Variants in PRKN observed in about 807,000 individuals in gnomAD.
PRKN encodes parkin RBR E3 ubiquitin protein ligase, also known as E3 ubiquitin-protein ligase parkin.
Under a neutral mutation model 59.5 loss-of-function variants are expected in PRKN, and 56 were observed. The ratio of observed to expected loss-of-function variants is 0.94; its 90% CI spans 0.76 to 1.18. PRKN has a LOEUF of 1.18. PRKN is among the 50% of genes most tolerant of loss of function. PRKN has a pLI of 0.00. For missense variants in PRKN, 657 were observed against 596.4 expected (o/e 1.10, Z -1.06); for synonymous variants, 250 against 222.1 (o/e 1.13, Z -1.12).
rs1242128610 is a variant in PRKN at position 161,548,858 on chromosome 6, C to T, written c.1079G>A (p.Cys360Tyr). The T allele has an allele frequency of 1.9e-6, 3 of 1,614,134 alleles. No homozygotes were observed. In the South Asian group the frequency reaches 3.3e-5, roughly 18 times the overall value. Reference protein sequence around the residue: ...VTCEGGNGLGCGFAFCRECKE... With the variant: ...VTCEGGNGLGYGFAFCRECKE... Reference sequence around the variant, plus strand: ...AGGGGTGTGGGCAGTACTCACCCCACAGCCCAGGCCATTGCCCCCTTCGCA... The same window carrying T: ...AGGGGTGTGGGCAGTACTCACCCCATAGCCCAGGCCATTGCCCCCTTCGCA... Residue 360 changes from cysteine to tyrosine, a missense_variant, in exon 9 of 12, where the codon TGT becomes TAT. Transcript: ENST00000366898. This position sits in a 1 kb window ranked among gnomAD's most constrained non-coding sequence, Gnocchi z 4.2.
rs2115418017 is a variant in PRKN at position 161,545,056 on chromosome 6, G to T, written c.1083+3798C>A. ...AGATTAGAATCCTCTGGAGCCCAGA[G>T]CTCAACACATGGGTGTCTAGCTCCG... is the stretch of plus-strand genomic sequence containing the variant. On this transcript the variant is annotated intron_variant, in intron 9 of 11. Coordinates refer to ENST00000366898, the MANE Select transcript of PRKN (RefSeq NM_004562.3). This position sits in a 1 kb window ranked among gnomAD's most constrained non-coding sequence, Gnocchi z 4.1. 2.9e-6 allele frequency: 2 copies of T among 701,258 alleles called. No homozygotes were observed. Among genetic ancestry groups the T allele is most frequent in the Admixed American group, 4.9e-5 (1 of 20,500 alleles). 43.4% of individuals were successfully genotyped at this position (701,258 alleles called of 1,614,324 possible).
chr6:161,415,417 C>A (rs955191552), intron 9 of PRKN, among the ~76,000 whole-genome samples: 37 of 152,254 alleles, frequency 2.4e-4, no homozygotes, highest in African/African-American at 8.2e-4. Context: ...CCTACATGAA[C>A]TGAGCAATGG....
chr6:161,973,390 G>C lies in PRKN; in HGVS notation c.646C>G (p.Pro216Ala), dbSNP rs1168709615. The C allele has an allele frequency of 1.2e-6, 2 of 1,611,838 alleles. No individual in the cohort carries two copies. The highest frequency in any genetic ancestry group is 1.7e-6 in the Non-Finnish European group (2 of 1,178,158). Residue 216 changes from proline (P) to alanine (A), a missense_variant, in exon 6 of 12, where the codon CCC (proline) becomes GCC (alanine). Coordinates refer to ENST00000366898, the MANE Select transcript of PRKN (RefSeq NM_004562.3). ...AEFFFKCGAH[P>A]TSDKETSVAL... Reference sequence around the variant, plus strand: ...ACTGATGTTTCCTTGTCAGAGGTGGGGTGTGCTCCACATTTAAAGAAAAAT... The same window carrying C: ...ACTGATGTTTCCTTGTCAGAGGTGGCGTGTGCTCCACATTTAAAGAAAAAT...
rs988084050 is a variant in PRKN at position 161,371,661 on chromosome 6, C to T, written c.1168-11456G>A. On this transcript the variant is annotated intron_variant, in intron 10 of 11. Coordinates refer to ENST00000366898, the MANE Select transcript of PRKN (RefSeq NM_004562.3). This position sits in a 1 kb window ranked among gnomAD's most constrained non-coding sequence, Gnocchi z 5.5. ...TTTATTTATTTATCTATTTTTGAGA[C>T]GGAGTTTTGCTCTGTCACCTAGGCT... Among the ~76,000 whole-genome samples, 4 of 151,924 alleles carry T rather than the reference C, an allele frequency of 2.6e-5. No homozygotes were observed. The highest frequency in any genetic ancestry group is 1.9e-4 in the East Asian group (1 of 5,144).
chr6:161,934,865 T>C (rs1779295732), intron 6 of PRKN, among the ~76,000 whole-genome samples: 2 of 152,152 alleles, frequency 1.3e-5, no homozygotes, highest in Non-Finnish European at 2.9e-5. Context: ...AGGATGTTTT[T>C]TTCTCCCTAA....
intron 4 of PRKN, among the ~76,000 whole-genome samples, chr6:162,185,214 G>C (rs1482702797): frequency 1.3e-5 from 2 of 151,996 alleles, no homozygotes; most frequent in Non-Finnish European, 2.9e-5. Flanking sequence ...AATTTTCCAA[G>C]TTCAATACAA....
intron 6 of PRKN, among the ~76,000 whole-genome samples, chr6:161,851,596 G>A (rs980987490): frequency 5.9e-5 from 9 of 151,482 alleles, no homozygotes; most frequent in Non-Finnish European, 1.3e-4. Flanking sequence ...ATTCTCGTAC[G>A]TGCCTCAGCC....
chr6:162,579,611 A>G (rs1460984181), intron 1 of PRKN, among the ~76,000 whole-genome samples: 2 of 150,690 alleles, frequency 1.3e-5, no homozygotes, highest in Admixed American at 1.3e-4. Flanking sequence ...ATTCACACAC[A>G]CAGATACACA....
rs1322852977 is a variant in PRKN, at chr6:161,356,621, C to T, written c.1285+3467G>A. ...CGCTGGATCAGAGCACGGGGAAGGC[C>T]GTGGTGACCGGGGATTGAATGCAGG... On this transcript the variant is annotated intron_variant, in intron 11 of 11. Transcript: ENST00000366898. The surrounding 1 kb of genome is among the most constrained non-coding windows in gnomAD (Gnocchi z 7.8). Among the ~76,000 whole-genome samples the T allele has an allele frequency of 2.0e-5, 3 of 152,064 alleles. No homozygotes were observed. The highest frequency in any genetic ancestry group is 2.1e-4 in the South Asian group (1 of 4,828).
chr6:162,363,825 C>G (rs6455811), intron 2 of PRKN, among the ~76,000 whole-genome samples: 50 of 152,268 alleles, frequency 3.3e-4, no homozygotes, highest in African/African-American at 1.2e-3. Flanking sequence ...AGGTCCTGCC[C>G]GCTTTTAACA....
intron 9 of PRKN, among the ~76,000 whole-genome samples, chr6:161,535,838 T>C (rs1289242214): frequency 6.6e-6 from 1 of 151,896 alleles, no homozygotes; most frequent in African/African-American, 2.4e-5. Context: ...GAGAGAGAAA[T>C]AAACTCCCAT....
At chr6:161,659,252 T>C (rs1388426006) in intron 7 of PRKN, among the ~76,000 whole-genome samples, 1 of 152,226 alleles carries the variant, frequency 6.6e-6, no homozygotes, top group Non-Finnish European at 1.5e-5. Context: ...ACATAGAGCA[T>C]ATACGCTGTG....
chr6:162,332,793 C>A (rs186888322), intron 2 of PRKN, among the ~76,000 whole-genome samples: 1 of 152,244 alleles, frequency 6.6e-6, no homozygotes, highest in East Asian at 1.9e-4. Context: ...CCAACCCACA[C>A]CTGCTTGTCA....
chr6:161,753,939 T>C (rs897206893), intron 7 of PRKN, among the ~76,000 whole-genome samples: 16 of 152,064 alleles, frequency 1.1e-4, no homozygotes, highest in Non-Finnish European at 4.4e-5. Context: ...GGGTAAGCTA[T>C]GAAGAGCTGC....
At chr6:161,850,353 G>A (rs1176210582) in intron 6 of PRKN, among the ~76,000 whole-genome samples, 1 of 152,064 alleles carries the variant, frequency 6.6e-6, no homozygotes, top group Non-Finnish European at 1.5e-5. Context: ...GCTGAGGTGC[G>A]TGGATCACGA....
chr6:162,401,939 ATTATT>A (rs1787813337), intron 2 of PRKN, among the ~76,000 whole-genome samples: 1 of 152,100 alleles, frequency 6.6e-6, no homozygotes, highest in Non-Finnish European at 1.5e-5. Context: ...ACTTCTAGAG[ATTATT>A]CTGAGTATTT....
intron 7 of PRKN, among the ~76,000 whole-genome samples, chr6:161,716,530 C>T (rs78895012): frequency 0.16 from 23,736 of 152,140 alleles, 3,029 homozygotes; most frequent in African/African-American, 0.35. Flanking sequence ...TAAACCTAAA[C>T]GCTATGTCTA....
intron 2 of PRKN, among the ~76,000 whole-genome samples, chr6:162,363,394 T>C (rs540509501): frequency 1.3e-5 from 2 of 152,110 alleles, no homozygotes; most frequent in Non-Finnish European, 2.9e-5. Context: ...TATTTTTCTA[T>C]ACAAACCCAT....
intron 4 of PRKN, among the ~76,000 whole-genome samples, chr6:162,169,251 C>G (rs577013338): frequency 6.6e-6 from 1 of 152,176 alleles, no homozygotes; most frequent in Non-Finnish European, 1.5e-5. Flanking sequence ...CCAGTTCTAA[C>G]GTGTTTTATT....
Sources: allele counts gnomAD v4.1 joint callset (sites outside exome capture counted in the v4.1 genomes callset), GRCh38; gene constraint gnomAD v4.1.1; non-coding constraint Gnocchi (gnomAD v3.1); transcripts MANE v1.5; gene names NCBI Gene and HGNC (gene_info 2026-07-23, HGNC 2026-07-21).